The following GRM3 variants were observed in gnomAD, a reference collection of about 807,000 sequenced individuals.
GRM3 encodes metabotropic glutamate receptor 3.
In GRM3, 26 loss-of-function variants were observed where a neutral mutation model predicts 70.5. The observed-to-expected ratio is 0.37, with a 90% CI of 0.27 to 0.51. The LOEUF (loss-of-function observed/expected upper bound fraction) is 0.51, where lower values mean the gene tolerates loss of function less well. Ranked by LOEUF, GRM3 falls within the 20% of genes least tolerant of loss-of-function variation. The pLI is 0.93. For missense variants in GRM3, 859 were observed against 1,123.8 expected (o/e 0.76, Z 3.37); for synonymous variants, 443 against 434.9 (o/e 1.02, Z -0.23).
intron 1 of GRM3, among the ~76,000 whole-genome samples, chr7:86,655,155 C>G (rs1793703176): frequency 6.6e-6 from 1 of 152,154 alleles, no homozygotes. Flanking sequence ...TCTACCCAGA[C>G]CTTTCTGTTT....
At chr7:86,857,928 A>G (rs977519229) in intron 5 of GRM3, among the ~76,000 whole-genome samples, 1 of 100,754 alleles carries the variant, frequency 9.9e-6, no homozygotes, top group African/African-American at 5.7e-5. Flanking sequence ...TTTTTATTTT[A>G]TTTTATTTTA....
At chr7:86,720,316 C>T (rs1313743008) in intron 1 of GRM3, among the ~76,000 whole-genome samples, 1 of 151,910 alleles carries the variant, frequency 6.6e-6, no homozygotes, top group East Asian at 1.9e-4. Context: ...AAGGAGGTAA[C>T]ATCAAGTGTA....
chr7:86,751,236 C>T (rs1459809793), intron 1 of GRM3, among the ~76,000 whole-genome samples: 1 of 152,068 alleles, frequency 6.6e-6, no homozygotes, highest in South Asian at 2.1e-4. Flanking sequence ...CTATCCCAAC[C>T]TTCATGGTAG....
chr7:86,646,807 G>A (rs947666810), intron 1 of GRM3, among the ~76,000 whole-genome samples: 3 of 152,096 alleles, frequency 2.0e-5, no homozygotes, highest in African/African-American at 7.2e-5. Context: ...ACAAGAAAAT[G>A]TGTGGAAAGC....
At chr7:86,710,590 T>TGG (rs1795173913) in intron 1 of GRM3, among the ~76,000 whole-genome samples, 2 of 6,850 alleles carry the variant, frequency 2.9e-4, no homozygotes, top group South Asian at 5.1e-3. Context: ...AGGGGGCGGG[T>TGG]GGTGGGGAGA....
intron 1 of GRM3, among the ~76,000 whole-genome samples, chr7:86,706,793 CA>C (rs1286384499): frequency 1.3e-5 from 2 of 151,098 alleles, no homozygotes; most frequent in Non-Finnish European, 3.0e-5. Flanking sequence ...CTTTAATTAG[CA>C]AAAAAATAGC....
At chr7:86,738,118 T>A (rs1296353651) in intron 1 of GRM3, among the ~76,000 whole-genome samples, 1 of 151,762 alleles carries the variant, frequency 6.6e-6, no homozygotes, top group African/African-American at 2.4e-5. Context: ...GTGTATTTAT[T>A]TCCTTGGGAT....
intron 2 of GRM3, among the ~76,000 whole-genome samples, chr7:86,778,831 A>G (rs1170589486): frequency 6.6e-6 from 1 of 152,190 alleles, no homozygotes; most frequent in Non-Finnish European, 1.5e-5. Flanking sequence ...TCAACATAAT[A>G]TTGGAAGTTC....
intron 1 of GRM3, among the ~76,000 whole-genome samples, chr7:86,716,486 C>T (rs1482074095): frequency 2.0e-5 from 3 of 151,786 alleles, no homozygotes; most frequent in Non-Finnish European, 2.9e-5. Flanking sequence ...TTGGAATTCA[C>T]GCCCAGGTTT....
chr7:86,850,777 A>G (rs1798741690), intron 5 of GRM3, among the ~76,000 whole-genome samples: 1 of 152,140 alleles, frequency 6.6e-6, no homozygotes, highest in African/African-American at 2.4e-5. Flanking sequence ...GGGAACAAAG[A>G]CATTAAATAC....
At chr7:86,741,963 A>C (rs1365033560) in intron 1 of GRM3, among the ~76,000 whole-genome samples, 1 of 151,486 alleles carries the variant, frequency 6.6e-6, no homozygotes, top group East Asian at 1.9e-4. Flanking sequence ...ACCAAAATTT[A>C]ATGGCTTAAA....
At chr7:86,746,340 A>ATT (rs72305461) in intron 1 of GRM3, among the ~76,000 whole-genome samples, 6,759 of 80,938 alleles carry the variant, frequency 0.084, 578 homozygotes, top group African/African-American at 0.14. Flanking sequence ...TCAGTCATGT[A>ATT]TTATATATAT....
At chr7:86,844,212 CT>C (rs1798612053) in intron 4 of GRM3, among the ~76,000 whole-genome samples, 1 of 152,084 alleles carries the variant, frequency 6.6e-6, no homozygotes, top group Non-Finnish European at 1.5e-5. Flanking sequence ...ATCTCAAATT[CT>C]TTAAAAAAAT....
intron 3 of GRM3, among the ~76,000 whole-genome samples, chr7:86,820,874 G>C (rs563522330): frequency 6.6e-6 from 1 of 152,226 alleles, no homozygotes; most frequent in African/African-American, 2.4e-5. Context: ...CCCCTTCAAC[G>C]TCACCCAGTG....
chr7:86,688,834 G>A lies in GRM3; in HGVS notation c.-141+43962G>A, dbSNP rs897429770. Among the ~76,000 whole-genome samples, 5 of 147,484 alleles carry A rather than the reference G, an allele frequency of 3.4e-5. No individual in the cohort carries two copies. In the East Asian group the frequency reaches 9.8e-4, roughly 29 times the overall value. On this transcript the variant is annotated intron_variant, in intron 1 of 5. Coordinates refer to ENST00000361669, the MANE Select transcript of GRM3 (RefSeq NM_000840.3). Reference sequence around the variant, plus strand: ...ACATATGATATATATATATATATATGTGTTGACTTTTTAAGGGTTTTAAAA... The same window carrying A: ...ACATATGATATATATATATATATATATGTTGACTTTTTAAGGGTTTTAAAA...
At chr7:86,737,482 T>A (rs541154629) in intron 1 of GRM3, among the ~76,000 whole-genome samples, 3 of 152,280 alleles carry the variant, frequency 2.0e-5, no homozygotes, top group South Asian at 4.1e-4. Flanking sequence ...CATGAATAAT[T>A]ATACCTTTCA....
intron 3 of GRM3, among the ~76,000 whole-genome samples, chr7:86,827,697 A>G (rs1584267571): frequency 6.6e-6 from 1 of 152,136 alleles, no homozygotes; most frequent in African/African-American, 2.4e-5. Context: ...TATTTTTAGT[A>G]GAGAAGAAGT....
intron 1 of GRM3, among the ~76,000 whole-genome samples, chr7:86,677,160 T>C (rs1251634229): frequency 6.6e-6 from 1 of 152,002 alleles, no homozygotes; most frequent in Non-Finnish European, 1.5e-5. Flanking sequence ...CCACTCTGCA[T>C]TTTCTCATTT....
At chr7:86,750,429 G>C (rs898852341) in intron 1 of GRM3, among the ~76,000 whole-genome samples, 1 of 151,996 alleles carries the variant, frequency 6.6e-6, no homozygotes, top group African/African-American at 2.4e-5. Context: ...TAGTTCTATG[G>C]GCTAAGTAAC....
Sources: allele counts gnomAD v4.1 joint callset (sites outside exome capture counted in the v4.1 genomes callset), GRCh38; gene constraint gnomAD v4.1.1; transcripts MANE v1.5; gene names NCBI Gene and HGNC (gene_info 2026-07-23, HGNC 2026-07-21).